SSC4D: variants seen among roughly 807,000 people sequenced by gnomAD.
SSC4D encodes scavenger receptor cysteine rich family member with 4 domains.
In SSC4D, 57 loss-of-function variants were observed where a neutral mutation model predicts 63.4. The observed-to-expected ratio is 0.90, with a 90% CI of 0.73 to 1.12. The LOEUF is 1.12. Among genes scored for constraint, SSC4D ranks in the 50% most tolerant of loss-of-function variants. SSC4D has a pLI of 0.00. For synonymous variants in SSC4D, 352 were observed against 345.4 expected, an observed-to-expected ratio of 1.02 and a Z score of -0.21; for missense variants, 791 against 806.4, an observed-to-expected ratio of 0.98 and a Z score of 0.23.
chr7:76,401,326 C>T (rs749384608), intron 2 of SSC4D, among the ~76,000 whole-genome samples: 1 of 152,116 alleles, frequency 6.6e-6, no homozygotes, highest in Non-Finnish European at 1.5e-5. Flanking sequence ...CCATAATGAC[C>T]CCTGTTACCT....
chr7:76,400,946 G>A (rs1279211183), intron 3 of SSC4D, 62 bp downstream of exon 3: 3 of 1,548,506 alleles, frequency 1.9e-6, no homozygotes, highest in African/African-American at 2.7e-5. Flanking sequence ...GTGGTTCCCT[G>A]TCTGAGGCTG....
chr7:76,398,584 T>A (rs113567515), intron 5 of SSC4D, 136 bp downstream of exon 5: 1 of 973,178 alleles, frequency 1.0e-6, no homozygotes, highest in South Asian at 1.3e-5. Flanking sequence ...GGATTACAGG[T>A]GTGAGCCACC....
In SSC4D at chr7:76,393,523, G is replaced by T. The variant is rs116171550; in HGVS notation, c.1215C>A (p.Pro405=). 1.5e-3 allele frequency: 2,246 copies of T among 1,525,080 alleles called. 37 individuals carry two copies. In the African/African-American group the frequency reaches 0.028, roughly 19 times the overall value. 94.5% of individuals were successfully genotyped at this position (1,525,080 alleles called of 1,614,324 possible). A position where few individuals can be genotyped will look rare whatever the true frequency, so the allele number is the denominator to read the frequency against. ...GLGHFGYGRG[P]VLLDNVGCAG... is the part of the protein sequence containing the mutation. ...CGCAGCCCACGTTGTCCAGCAGCAC[G>T]GGGCCGCGGCCGTAGCCGAAGTGGC... The change falls in exon 9 of 11, where the codon CCC becomes CCA. Residue 405 remains proline (P), a synonymous_variant. Transcript: ENST00000275560.
chr7:76,390,119 G>A lies in SSC4D; in HGVS notation c.1668C>T (p.Arg556=). Residue 556 remains arginine, a synonymous_variant, in exon 11 of 11, where the codon CGC becomes CGT. Coordinates refer to ENST00000275560, the MANE Select transcript of SSC4D (RefSeq NM_080744.2). The stretch of plus-strand genomic sequence containing the variant: ...TGTGGTCACAGTTGTGGGCATCCCA[G>A]CGGATATGAGAGCAGAGCAGCAGAG... The part of the protein sequence containing the change: ...ESALLLCSHI[R]WDAHNCDHSE... 1 of 1,614,264 alleles carries A rather than the reference G, an allele frequency of 6.2e-7. No homozygotes were observed. Among genetic ancestry groups the A allele is most frequent in the Non-Finnish European group, 8.5e-7 (1 of 1,180,044 alleles).
chr7:76,398,809 G>A lies in SSC4D; in HGVS notation c.476-12C>T. The A allele has an allele frequency of 1.2e-6, 2 of 1,611,448 alleles. No homozygotes were observed. The highest frequency in any genetic ancestry group is 1.7e-6 in the Non-Finnish European group (2 of 1,178,328). ...CGTTGGCAAGAATTCTGGAAAGGAA[G>A]TGAAGTGGATACAGGGGTCTTTCTG... On this transcript the variant is annotated splice_polypyrimidine_tract_variant and intron_variant, in intron 4 of 10. Transcript: ENST00000275560.
chr7:76,400,401 G>T lies in SSC4D; in HGVS notation c.360C>A (p.Ile120=). Residue 120 remains isoleucine (I), a synonymous_variant, in exon 4 of 11, where the codon ATC becomes ATA. Coordinates refer to ENST00000275560, the MANE Select transcript of SSC4D (RefSeq NM_080744.2). The part of the protein sequence containing the change: ...PLAFGQGRGP[I]LLDNVECRGQ... The stretch of plus-strand genomic sequence containing the variant: ...CGCGGCACTCCACGTTGTCCAGCAG[G>T]ATGGGGCCTCGGCCTTGGCCAAAGG... The T allele has an allele frequency of 5.6e-6, 9 of 1,601,804 alleles. No homozygotes were observed. The highest frequency in any genetic ancestry group is 7.7e-6 in the Non-Finnish European group (9 of 1,171,698).
At position 76,392,000 on chromosome 7, in the gene SSC4D, C is replaced by G; in HGVS notation, c.1375G>C (p.Glu459Gln). ...CGAGGAGTGGGCACCCGCGTGGTCTCAGAACCATCCTGCTGGACTTGCAGT... is the reference window on the plus strand; with the variant it reads ...CGAGGAGTGGGCACCCGCGTGGTCTGAGAACCATCCTGCTGGACTTGCAGT... ...LGLQVQQDGSETTRVPTPRPR... is the reference protein window; with the variant it reads ...LGLQVQQDGSQTTRVPTPRPR... The change falls in exon 10 of 11, where the codon GAG (glutamate) becomes CAG (glutamine). Residue 459 changes from glutamate to glutamine, a missense_variant. Glu to Gln is a conservative substitution (Grantham distance 29). Coordinates refer to ENST00000275560, the MANE Select transcript of SSC4D (RefSeq NM_080744.2). 6.3e-7 allele frequency: 1 copy of G among 1,591,836 alleles called. No homozygotes were observed.
intron 6 of SSC4D, among the ~76,000 whole-genome samples, chr7:76,395,747 A>G (rs957135457): frequency 6.6e-6 from 1 of 152,152 alleles, no homozygotes; most frequent in Non-Finnish European, 1.5e-5. Context: ...GCTGGAGTGC[A>G]ATGGTGCGAT....
rs529968080 is a variant in SSC4D, at chr7:76,393,774, C to T, written c.1021+56G>A. On this transcript the variant is annotated intron_variant, in intron 8 of 10. Coordinates refer to ENST00000275560, the MANE Select transcript of SSC4D (RefSeq NM_080744.2). The stretch of plus-strand genomic sequence containing the variant: ...CTGGGCTGGGGCTGCCGGCTCCCGG[C>T]AGAGCCCCAGCCCTACCCTTCCCCA... The T allele has an allele frequency of 2.3e-3, 3,370 of 1,489,154 alleles. 26 individuals carry two copies. The highest frequency in any genetic ancestry group is 6.4e-3 in the South Asian group (503 of 78,148). 92.2% of individuals were successfully genotyped at this position (1,489,154 alleles called of 1,614,324 possible).
rs1206362774 is a variant in SSC4D, at chr7:76,397,576, G to T, written c.810C>A (p.Ser270Arg). The T allele has an allele frequency of 6.2e-7, 1 of 1,608,900 alleles. No individual in the cohort carries two copies. The highest frequency in any genetic ancestry group is 8.5e-7 in the Non-Finnish European group (1 of 1,177,926). ...GGEPRLAACQ[S>R]LGWGVHNCGH... is the part of the protein sequence containing the mutation. ...CGCAGTTGTGCACACCCCAGCCCAG[G>T]CTCTGGCAGGCTGCCAGGCGGGGCT... Residue 270 changes from serine (S) to arginine (R), a missense_variant, in exon 6 of 11, where the codon AGC becomes AGA. Physicochemically the swap from Ser to Arg is moderately radical, Grantham distance 110 (BLOSUM62 -1). Coordinates refer to ENST00000275560, the MANE Select transcript of SSC4D (RefSeq NM_080744.2).
intron 2 of SSC4D, among the ~76,000 whole-genome samples, chr7:76,402,914 G>A (rs1183587277): frequency 1.3e-5 from 2 of 152,190 alleles, no homozygotes; most frequent in African/African-American, 2.4e-5. Context: ...TGATCCATCC[G>A]CCTCAGCCTC....
In SSC4D at chr7:76,400,606, G is replaced by A; in HGVS notation, c.170-15C>T. On this transcript the variant is annotated splice_polypyrimidine_tract_variant and intron_variant, in intron 3 of 10. Coordinates refer to ENST00000275560, the MANE Select transcript of SSC4D (RefSeq NM_080744.2). The stretch of plus-strand genomic sequence containing the variant: ...CAGCCTCAGCTCTGTGAAGAGGGTG[G>A]AGCTGGCACCAGGGGGTCACTGAGT... 1 of 1,441,602 alleles carries A rather than the reference G, an allele frequency of 6.9e-7. No homozygotes were observed. The highest frequency in any genetic ancestry group is 1.5e-5 in the South Asian group (1 of 67,930). The allele number at this position is 1,441,602 out of a possible 1,614,324, so 89.3% of individuals were successfully genotyped here.
chr7:76,401,140 A>AC (rs1391061981), intron 2 of SSC4D, 97 bp from the exon 3 acceptor site: 1 of 1,405,204 alleles, frequency 7.1e-7, no homozygotes, highest in Non-Finnish European at 9.4e-7. Flanking sequence ...CCTCAACATT[A>AC]CCCCCATCTT....
At chr7:76,407,294 G>T (rs1405177978) in intron 1 of SSC4D, among the ~76,000 whole-genome samples, 1 of 151,614 alleles carries the variant, frequency 6.6e-6, no homozygotes, top group Non-Finnish European at 1.5e-5. Flanking sequence ...AAGTGTGGCA[G>T]CTTACTCCTG....
In SSC4D at chr7:76,395,390, T is replaced by C. The variant is rs1804613529; in HGVS notation, c.869-60A>G. The C allele has an allele frequency of 2.6e-6, 4 of 1,554,554 alleles. No homozygotes were observed. The East Asian group carries it at 6.7e-5, about 26-fold the overall frequency. ...TGAGATTCTGGTCTCTGGTCAGCCA[T>C]GGGCTGTCAGGGGAGGATAGGAGGG... On this transcript the variant is annotated intron_variant, in intron 6 of 10. Transcript: ENST00000275560.
rs1242128626 is a variant in SSC4D at position 76,393,475 on chromosome 7, G to A, written c.1263C>T (p.Ser421=). ...GGCCCCAGCCCAGGTGGAAGCAGTC[G>A]CTCAGGCGAGCCTCGGTGCCGGCGC... The part of the protein sequence containing the change: ...VGCAGTEARL[S]DCFHLGWGQH... The change falls in exon 9 of 11, where the codon AGC becomes AGT. Residue 421 remains serine (S), a synonymous_variant. Transcript: ENST00000275560. 2 of 1,525,326 alleles carry A rather than the reference G, an allele frequency of 1.3e-6. No individual in the cohort carries two copies. The highest frequency in any genetic ancestry group is 2.6e-5 in the East Asian group (1 of 38,946). The allele number at this position is 1,525,326 out of a possible 1,614,324, so 94.5% of individuals were successfully genotyped here. A position where few individuals can be genotyped will look rare whatever the true frequency, so the allele number is the denominator to read the frequency against.
rs146357632 is a variant in SSC4D, at chr7:76,408,042, G to T, written c.-67+1372C>A. ...TTGGTGTTGGGGGTCAGGGAGCTAG[G>T]AGCATCCATTTGGCTCCCAGCCACC... On this transcript the variant is annotated intron_variant, in intron 1 of 10. Coordinates refer to ENST00000275560, the MANE Select transcript of SSC4D (RefSeq NM_080744.2). Among the ~76,000 whole-genome samples the T allele has an allele frequency of 3.6e-4, 55 of 152,298 alleles. 1 individual carries two copies. The highest frequency in any genetic ancestry group is 1.2e-3 in the African/African-American group (51 of 41,566).
rs1429639060 is a variant in SSC4D, at chr7:76,403,918, C to T, written c.133+389G>A. Among the ~76,000 whole-genome samples the T allele has an allele frequency of 2.0e-5, 3 of 152,166 alleles. No homozygotes were observed. The East Asian group carries it at 5.8e-4, about 29-fold the overall frequency. On this transcript the variant is annotated intron_variant, in intron 2 of 10. Transcript: ENST00000275560. ...TCTCAGGTGATCTTTCCGCCTTGGC[C>T]TCCCAAAGTACTGGGATTGCAGGTG...
intron 6 of SSC4D, 91 bp downstream of exon 6, chr7:76,397,427 T>C (rs1393793383): frequency 7.1e-7 from 1 of 1,398,926 alleles, no homozygotes; most frequent in African/African-American, 1.5e-5. Flanking sequence ...ACCCTCCCCA[T>C]CCACCTCCCC....
Sources: gnomAD v4.1 joint callset for allele counts (sites outside exome capture counted in the v4.1 genomes callset) on GRCh38, gnomAD v4.1.1 for gene constraint, MANE v1.5 for transcripts, NCBI Gene and HGNC (gene_info 2026-07-23, HGNC 2026-07-21) for gene names.